The following FGF12 variants were observed in gnomAD, a reference collection of about 807,000 sequenced individuals.
FGF12 encodes the protein fibroblast growth factor 12.
A neutral mutation model predicts 23.6 loss-of-function variants in FGF12; 14 were observed. The ratio of observed to expected loss-of-function variants is 0.59; its 90% CI spans 0.39 to 0.93. The LOEUF is 0.93. Ranked by LOEUF, FGF12 falls within the 40% of genes least tolerant of loss-of-function variation. The pLI, the probability that FGF12 is intolerant of heterozygous loss-of-function variation, is 0.00. For synonymous variants in FGF12, 62 were observed against 77.3 expected, an observed-to-expected ratio of 0.80 and a Z score of 1.04; for missense variants, 175 against 217.8, an observed-to-expected ratio of 0.80 and a Z score of 1.24.
chr3:192,361,276 T>A (rs1718713745), intron 2 of FGF12, among the ~76,000 whole-genome samples: 6 of 151,344 alleles, frequency 4.0e-5, no homozygotes, highest in Non-Finnish European at 1.5e-5. Flanking sequence ...ACTTTCAAAC[T>A]AACCTTTGTA....
chr3:192,639,133 G>A (rs372680970), intron 2 of FGF12, among the ~76,000 whole-genome samples: 6 of 152,142 alleles, frequency 3.9e-5, no homozygotes, highest in South Asian at 2.1e-4. Context: ...ATTTTAAAAC[G>A]GGCAGAGGAC....
At chr3:192,720,682 C>T (rs776523615) in intron 2 of FGF12, among the ~76,000 whole-genome samples, 1 of 152,168 alleles carries the variant, frequency 6.6e-6, no homozygotes, top group Non-Finnish European at 1.5e-5. Flanking sequence ...TACACACACT[C>T]TCTTAACACT....
At chr3:192,333,526 G>A (rs1303060935) in intron 4 of FGF12, among the ~76,000 whole-genome samples, 1 of 151,930 alleles carries the variant, frequency 6.6e-6, no homozygotes, top group East Asian at 1.9e-4. Context: ...GACTGAAAAT[G>A]TATTTAATTG....
At chr3:192,260,535 C>T (rs1238677363) in intron 4 of FGF12, among the ~76,000 whole-genome samples, 1 of 152,188 alleles carries the variant, frequency 6.6e-6, no homozygotes, top group Non-Finnish European at 1.5e-5. Context: ...CCGCGTATTA[C>T]ACAAATCTCC....
chr3:192,208,635 C>T (rs576769474), intron 4 of FGF12, among the ~76,000 whole-genome samples: 20 of 152,240 alleles, frequency 1.3e-4, no homozygotes, highest in East Asian at 3.9e-4. Context: ...TTAATATCAA[C>T]GGAGTCACTT....
chr3:192,537,645 AT>A lies in FGF12; in HGVS notation c.14-177108del, dbSNP rs556022805. On this transcript the variant is annotated intron_variant, in intron 2 of 5. Coordinates refer to ENST00000445105, the MANE Select transcript of FGF12 (RefSeq NM_004113.6). Reference sequence around the variant, plus strand: ...ATGTATTTTTTATTCAGATTAATGGATTTTTTCCCTATTGAGTTGTTTGAGC... The same window carrying A: ...ATGTATTTTTTATTCAGATTAATGGATTTTTCCCTATTGAGTTGTTTGAGC... Among the ~76,000 whole-genome samples the A allele has an allele frequency of 4.2e-3, 644 of 152,064 alleles. 3 individuals carry two copies. The highest frequency in any genetic ancestry group is 0.015 in the African/African-American group (623 of 41,498).
At chr3:192,339,386 C>T (rs1162443022) in intron 3 of FGF12, among the ~76,000 whole-genome samples, 2 of 152,136 alleles carry the variant, frequency 1.3e-5, no homozygotes, top group African/African-American at 4.8e-5. Context: ...TCTTTAAGTC[C>T]CTTGCATCCT....
At chr3:192,487,209 A>G (rs1723662207) in intron 2 of FGF12, among the ~76,000 whole-genome samples, 2 of 152,118 alleles carry the variant, frequency 1.3e-5, no homozygotes, top group Non-Finnish European at 2.9e-5. Flanking sequence ...GGCTACAGCT[A>G]GATGCATTTA....
At chr3:192,166,960 CA>C (rs1310706083) in intron 5 of FGF12, among the ~76,000 whole-genome samples, 1 of 149,968 alleles carries the variant, frequency 6.7e-6, no homozygotes, top group African/African-American at 2.5e-5. Flanking sequence ...TTTCCCAGAA[CA>C]AAAAGAAAAT....
intron 2 of FGF12, among the ~76,000 whole-genome samples, chr3:192,682,185 C>A (rs1010872078): frequency 1.2e-4 from 18 of 152,092 alleles, no homozygotes; most frequent in Non-Finnish European, 2.2e-4. Context: ...GTCTAAAGAA[C>A]CCTCATTAAC....
At position 192,215,364 on chromosome 3, in the gene FGF12, T is replaced by G. The variant is rs543941172; in HGVS notation, c.229-44708A>C. 7.2e-5 allele frequency among the ~76,000 whole-genome samples: 11 copies of G among 152,290 alleles called. No individual in the cohort carries two copies. The South Asian group carries it at 2.3e-3, about 32-fold the overall frequency. On this transcript the variant is annotated intron_variant, in intron 4 of 5. Coordinates refer to ENST00000445105, the MANE Select transcript of FGF12 (RefSeq NM_004113.6). Reference sequence around the variant, plus strand: ...ATCACCCAGCAATTTAAAGAAGTCTTTCTTACCCTCACACCACTACTGCTG... The same window carrying G: ...ATCACCCAGCAATTTAAAGAAGTCTGTCTTACCCTCACACCACTACTGCTG...
chr3:192,521,780 T>C (rs1364348715), intron 2 of FGF12, among the ~76,000 whole-genome samples: 1 of 152,196 alleles, frequency 6.6e-6, no homozygotes, highest in African/African-American at 2.4e-5. Context: ...TTATAGGATT[T>C]ATTTTATTCA....
chr3:192,456,899 G>A (rs1722698481), intron 2 of FGF12, among the ~76,000 whole-genome samples: 1 of 152,174 alleles, frequency 6.6e-6, no homozygotes, highest in Non-Finnish European at 1.5e-5. Context: ...GTTTGGCTGT[G>A]TCCCTACCCA....
At chr3:192,390,803 A>C (rs1720256315) in intron 2 of FGF12, among the ~76,000 whole-genome samples, 1 of 152,232 alleles carries the variant, frequency 6.6e-6, no homozygotes, top group South Asian at 2.1e-4. Context: ...GGCAAACAAG[A>C]TGGTCAGTAT....
intron 2 of FGF12, among the ~76,000 whole-genome samples, chr3:192,465,717 C>T (rs1461014918): frequency 2.6e-5 from 4 of 152,206 alleles, no homozygotes; most frequent in African/African-American, 9.6e-5. Flanking sequence ...CCGACCCCCA[C>T]TCCCAAGTCA....
intron 2 of FGF12, among the ~76,000 whole-genome samples, chr3:192,565,660 T>C (rs1712240761): frequency 1.3e-5 from 2 of 152,240 alleles, no homozygotes; most frequent in Non-Finnish European, 2.9e-5. Context: ...TATTGTATAG[T>C]GGGCTATACA....
At chr3:192,200,008 A>G (rs1717279019) in intron 4 of FGF12, among the ~76,000 whole-genome samples, 1 of 152,090 alleles carries the variant, frequency 6.6e-6, no homozygotes, top group African/African-American at 2.4e-5. Flanking sequence ...GCAATGCTAA[A>G]GAGGTAAATC....
Position 192,711,272 on chromosome 3 carries a change from G to A in FGF12, c.13+15909C>T, listed in dbSNP as rs181887088. Among the ~76,000 whole-genome samples, 115 of 124,880 alleles carry A rather than the reference G, an allele frequency of 9.2e-4. No homozygotes were observed. The East Asian group carries it at 0.011, about 12-fold the overall frequency. 81.9% of individuals were successfully genotyped at this position (124,880 alleles called of 152,430 possible). Reference sequence around the variant, plus strand: ...CAGCCCCTGCCCGGCCAGCCGCCCCGTCCGGGAGGGAGGTGGGGGGCAGCC... The same window carrying A: ...CAGCCCCTGCCCGGCCAGCCGCCCCATCCGGGAGGGAGGTGGGGGGCAGCC... On this transcript the variant is annotated intron_variant, in intron 2 of 5. Transcript: ENST00000445105.
At chr3:192,306,611 A>G (rs1457472872) in intron 4 of FGF12, among the ~76,000 whole-genome samples, 1 of 152,198 alleles carries the variant, frequency 6.6e-6, no homozygotes, top group Non-Finnish European at 1.5e-5. Context: ...GGGCAAATGA[A>G]TGAATTCTAG....
Sources: allele counts gnomAD v4.1 joint callset (sites outside exome capture counted in the v4.1 genomes callset), GRCh38; gene constraint gnomAD v4.1.1; transcripts MANE v1.5; gene names NCBI Gene and HGNC (gene_info 2026-07-23, HGNC 2026-07-21).